Variants in WNT7A observed in about 807,000 individuals in gnomAD.
WNT7A encodes the protein protein Wnt-7a.
Under a neutral mutation model 28.2 loss-of-function variants are expected in WNT7A, and 16 were observed. The observed-to-expected ratio is 0.57, with a 90% CI of 0.38 to 0.86. The LOEUF (loss-of-function observed/expected upper bound fraction) is 0.86. Ranked by LOEUF, WNT7A falls within the 40% of genes least tolerant of loss-of-function variation. The pLI, the probability that WNT7A is intolerant of heterozygous loss-of-function variation, is 0.00. For synonymous variants in WNT7A, 190 were observed against 195.9 expected, an observed-to-expected ratio of 0.97 and a Z score of 0.25; for missense variants, 411 against 489.7, an observed-to-expected ratio of 0.84 and a Z score of 1.52.
Position 13,854,474 on chromosome 3 carries a change from C to T in WNT7A, c.570+58G>A, listed in dbSNP as rs1448328122. 3.1e-6 allele frequency: 5 copies of T among 1,611,282 alleles called. No individual in the cohort carries two copies. The African/African-American group carries it at 5.3e-5, about 17-fold the overall frequency. On this transcript the variant is annotated intron_variant, in intron 3 of 3. Transcript: ENST00000285018. ...GACACCCAGCACCAGATGTTACAAA[C>T]AAGCCATTTTGCAGCATCTCCGCGA...
chr3:13,819,303 T>C lies in WNT7A; in HGVS notation c.691A>G (p.Lys231Glu), dbSNP rs1694072662. The C allele has an allele frequency of 6.2e-7, 1 of 1,613,812 alleles. No homozygotes were observed. The highest frequency in any genetic ancestry group is 1.7e-5 in the Admixed American group (1 of 60,012). Residue 231 changes from lysine (K) to glutamate (E), a missense_variant, in exon 4 of 4, where the codon AAG becomes GAG. Lys to Glu is a moderately conservative substitution (Grantham distance 56). Transcript: ENST00000285018. ...TCCACGTGAACGGCCTCGTTGTACT[T>C]GTCCTTGAGCACGTAGCCCAGCTCC... ...FRELGYVLKD[K>E]YNEAVHVEPV...
chr3:13,868,439 C>T (rs1694944285), intron 2 of WNT7A, among the ~76,000 whole-genome samples: 1 of 147,790 alleles, frequency 6.8e-6, no homozygotes, highest in African/African-American at 2.5e-5. Context: ...TGCAGTGCTG[C>T]ACTACAGCCT....
chr3:13,864,407 C>G (rs1209621702), intron 2 of WNT7A, among the ~76,000 whole-genome samples: 1 of 152,180 alleles, frequency 6.6e-6, no homozygotes, highest in Non-Finnish European at 1.5e-5. Context: ...GGGCTCCTGT[C>G]TGCGTCGCCC....
chr3:13,848,067 T>TTAA lies in WNT7A; in HGVS notation c.570+6464_570+6465insTTA, dbSNP rs111474474. ...GATTTTTTTAAATTAATGAATTTTT[T>TTAA]AAAAAAAACAGGTCACAGAGTTAAA... On this transcript the variant is annotated intron_variant, in intron 3 of 3. Coordinates refer to ENST00000285018, the MANE Select transcript of WNT7A (RefSeq NM_004625.4). Among the ~76,000 whole-genome samples, 725 of 151,682 alleles carry TTAA rather than the reference T, an allele frequency of 4.8e-3. 4 individuals carry two copies. Among genetic ancestry groups the TTAA allele is most frequent in the African/African-American group, 0.017 (693 of 41,302 alleles).
intron 3 of WNT7A, among the ~76,000 whole-genome samples, chr3:13,826,386 C>T (rs898648971): frequency 1.3e-5 from 2 of 152,144 alleles, no homozygotes; most frequent in Non-Finnish European, 2.9e-5. Context: ...AAGCCTCCCC[C>T]AAGAAGGCCA....
chr3:13,816,744 T>C lies in WNT7A; in HGVS notation c.*2200A>G, dbSNP rs9840635. The C allele has an allele frequency of 0.39, 59,565 of 151,706 alleles. 11,995 individuals carry two copies. Among genetic ancestry groups the C allele is most frequent in the South Asian group, 0.52 (2,490 of 4,782 alleles). The allele number at this position is 151,706 out of a possible 1,614,324, so 9.4% of individuals were successfully genotyped here. On this transcript the variant is annotated 3_prime_UTR_variant, in exon 4 of 4. Transcript: ENST00000285018. ...ATTCATCCATTCATCCGCTCACTTA[T>C]CAATCCATCCACCCATCTGTTTATC...
At chr3:13,844,654 G>C (rs778342459) in intron 3 of WNT7A, among the ~76,000 whole-genome samples, 33 of 152,216 alleles carry the variant, frequency 2.2e-4, no homozygotes, top group Non-Finnish European at 4.3e-4. Context: ...GCTTGCCACT[G>C]TGAGCAGCCT....
At chr3:13,844,634 G>A (rs540060859) in intron 3 of WNT7A, among the ~76,000 whole-genome samples, 1 of 152,330 alleles carries the variant, frequency 6.6e-6, no homozygotes, top group South Asian at 2.1e-4. Context: ...GGGACAGAGC[G>A]AGAGCAAGTG....
At chr3:13,837,608 A>C (rs1380165475) in intron 3 of WNT7A, among the ~76,000 whole-genome samples, 1 of 152,162 alleles carries the variant, frequency 6.6e-6, no homozygotes, top group Admixed American at 6.5e-5. Context: ...CCATTCTTTC[A>C]TGGTGGGTTA....
At chr3:13,828,683 G>A (rs113615561) in intron 3 of WNT7A, among the ~76,000 whole-genome samples, 2,059 of 152,260 alleles carry the variant, frequency 0.014, 21 homozygotes, top group Middle Eastern at 0.031. Flanking sequence ...CGAGACTCTG[G>A]GCTCGTTGAG....
rs1247692793 is a variant in WNT7A at position 13,880,004 on chromosome 3, G to C, written c.-188C>G. 2 of 390,322 alleles carry C rather than the reference G, an allele frequency of 5.1e-6. No individual in the cohort carries two copies. The highest frequency in any genetic ancestry group is 8.9e-6 in the Non-Finnish European group (2 of 224,848). The allele number at this position is 390,322 out of a possible 1,614,324, so 24.2% of individuals were successfully genotyped here. ...GGAGCACGGGAGCCACGGAGCGGGAGGAGGGAGGGAGGAGCGAGCGCGGCG... is the reference window on the plus strand; with the variant it reads ...GGAGCACGGGAGCCACGGAGCGGGACGAGGGAGGGAGGAGCGAGCGCGGCG... On this transcript the variant is annotated 5_prime_UTR_variant, in exon 1 of 4. Coordinates refer to ENST00000285018, the MANE Select transcript of WNT7A (RefSeq NM_004625.4).
chr3:13,842,077 A>G (rs1553573525), intron 3 of WNT7A, among the ~76,000 whole-genome samples: 1 of 125,412 alleles, frequency 8.0e-6, no homozygotes, highest in East Asian at 2.3e-4. Flanking sequence ...GGAAGGAGAC[A>G]GGGGTGAGGG....
At chr3:13,867,785 G>T (rs1181061444) in intron 2 of WNT7A, among the ~76,000 whole-genome samples, 1 of 152,218 alleles carries the variant, frequency 6.6e-6, no homozygotes, top group Non-Finnish European at 1.5e-5. Context: ...TGGGGAAAAA[G>T]CATGAAGAGG....
chr3:13,857,285 G>A (rs958341523), intron 2 of WNT7A, among the ~76,000 whole-genome samples: 6 of 152,184 alleles, frequency 3.9e-5, no homozygotes, highest in Admixed American at 3.9e-4. Flanking sequence ...CTGCCAAGGA[G>A]GGAGCTTTGG....
chr3:13,874,923 G>A lies in WNT7A; in HGVS notation c.298+24C>T, dbSNP rs115457407. 1.4e-3 allele frequency: 2,327 copies of A among 1,611,756 alleles called. 13 individuals are homozygous for A. In the African/African-American group the frequency reaches 0.021, roughly 15 times the overall value. On this transcript the variant is annotated intron_variant, in intron 2 of 3. Transcript: ENST00000285018. ...GTCCCTAGAGCCGGTAAGACTCTGCGGGGGTGTTTGGGTGAGCACATACCC... is the reference window on the plus strand; with the variant it reads ...GTCCCTAGAGCCGGTAAGACTCTGCAGGGGTGTTTGGGTGAGCACATACCC...
intron 2 of WNT7A, among the ~76,000 whole-genome samples, chr3:13,861,884 C>T (rs915410055): frequency 4.6e-5 from 7 of 152,200 alleles, no homozygotes; most frequent in Non-Finnish European, 8.8e-5. Context: ...CCCCTGGCTC[C>T]CTCACCTCCC....
chr3:13,850,598 G>A (rs745959154), intron 3 of WNT7A, among the ~76,000 whole-genome samples: 6 of 152,100 alleles, frequency 3.9e-5, no homozygotes, highest in East Asian at 1.9e-4. Flanking sequence ...GGCCAGCCCC[G>A]TCCCAGCTGG....
intron 3 of WNT7A, among the ~76,000 whole-genome samples, chr3:13,820,500 G>A (rs548352244): frequency 6.6e-6 from 1 of 151,960 alleles, no homozygotes; most frequent in African/African-American, 2.4e-5. Context: ...GGCGAACTGA[G>A]TGCCTGCTGG....
intron 3 of WNT7A, among the ~76,000 whole-genome samples, chr3:13,844,084 C>T (rs886855677): frequency 1.3e-5 from 2 of 152,064 alleles, no homozygotes; most frequent in African/African-American, 4.8e-5. Flanking sequence ...GCTACCAATC[C>T]ATCTAGGTCC....
Sources: allele counts gnomAD v4.1 joint callset (sites outside exome capture counted in the v4.1 genomes callset), GRCh38; gene constraint gnomAD v4.1.1; transcripts MANE v1.5; gene names NCBI Gene and HGNC (gene_info 2026-07-23, HGNC 2026-07-21).